The following ARHGAP42 variants were observed in gnomAD, a reference collection of about 807,000 sequenced individuals.
ARHGAP42 encodes the protein Rho GTPase activating protein 42, also known as rho GTPase-activating protein 42.
A neutral mutation model predicts 125.0 loss-of-function variants in ARHGAP42; 63 were observed. The observed-to-expected ratio is 0.50, with a 90% confidence interval of 0.41 to 0.62. ARHGAP42 has a LOEUF of 0.62. Ranked by LOEUF, ARHGAP42 falls within the 20% of genes least tolerant of loss-of-function variation. The pLI, the probability that ARHGAP42 is intolerant of heterozygous loss-of-function variation, is 0.00. For synonymous variants in ARHGAP42, 339 were observed against 351.0 expected (o/e 0.97, Z 0.38); for missense variants, 766 against 1,024.2 (o/e 0.75, Z 3.44).
intron 1 of ARHGAP42, among the ~76,000 whole-genome samples, chr11:100,745,132 A>T (rs1862272511): frequency 6.6e-6 from 1 of 152,168 alleles, no homozygotes; most frequent in South Asian, 2.1e-4. Flanking sequence ...TAATGGGAAT[A>T]AGTCAGGGTG....
At chr11:100,752,965 G>A (rs1387893574) in intron 1 of ARHGAP42, among the ~76,000 whole-genome samples, 1 of 152,236 alleles carries the variant, frequency 6.6e-6, no homozygotes, top group African/African-American at 2.4e-5. Flanking sequence ...ATAGTGATGG[G>A]ATTTGTGCTT....
chr11:100,769,269 G>T (rs1481146924), intron 1 of ARHGAP42, among the ~76,000 whole-genome samples: 1 of 152,140 alleles, frequency 6.6e-6, no homozygotes, highest in Non-Finnish European at 1.5e-5. Context: ...AGGCCCAGAG[G>T]AGTTAAATAA....
intron 8 of ARHGAP42, among the ~76,000 whole-genome samples, chr11:100,937,585 TGTTGCCA>T (rs1259518468): frequency 1.3e-5 from 2 of 152,162 alleles, no homozygotes; most frequent in Non-Finnish European, 2.9e-5. Flanking sequence ...TGGAAGAATT[TGTTGCCA>T]GTGAGGGCAG....
intron 2 of ARHGAP42, among the ~76,000 whole-genome samples, chr11:100,771,081 C>T (rs918475009): frequency 2.0e-5 from 3 of 151,550 alleles, no homozygotes; most frequent in Admixed American, 6.6e-5. Flanking sequence ...TTTCTTAATA[C>T]TGGTTTCTTT....
chr11:100,810,132 G>C (rs928261360), intron 3 of ARHGAP42, among the ~76,000 whole-genome samples: 7 of 151,886 alleles, frequency 4.6e-5, no homozygotes, highest in Non-Finnish European at 1.0e-4. Flanking sequence ...CCTTTAAAAA[G>C]TGGCAAAAAA....
At chr11:100,946,922 A>T (rs1375278545) in intron 10 of ARHGAP42, among the ~76,000 whole-genome samples, 2 of 151,864 alleles carry the variant, frequency 1.3e-5, no homozygotes, top group African/African-American at 4.8e-5. Context: ...GTATCTGCAA[A>T]GCTCAATCAA....
intron 6 of ARHGAP42, among the ~76,000 whole-genome samples, chr11:100,932,697 A>G (rs1867620774): frequency 6.6e-6 from 1 of 152,126 alleles, no homozygotes; most frequent in Admixed American, 6.6e-5. Context: ...CCACCTTGTG[A>G]TACTTTTTCT....
chr11:100,807,876 C>CA (rs1396124841), intron 3 of ARHGAP42, among the ~76,000 whole-genome samples: 1 of 152,202 alleles, frequency 6.6e-6, no homozygotes, highest in Non-Finnish European at 1.5e-5. Context: ...TGTTGGCCAT[C>CA]ACTTTCCATT....
intron 1 of ARHGAP42, among the ~76,000 whole-genome samples, chr11:100,753,811 G>A (rs1453808112): frequency 1.3e-5 from 2 of 152,214 alleles, no homozygotes; most frequent in African/African-American, 2.4e-5. Context: ...CGGTGGTAAT[G>A]TGTATCCTGG....
intron 2 of ARHGAP42, among the ~76,000 whole-genome samples, chr11:100,779,461 A>ATATATATATAT (rs1215941883): frequency 3.7e-5 from 3 of 80,452 alleles, no homozygotes; most frequent in Non-Finnish European, 7.6e-5. Context: ...AAAAAAAAAA[A>ATATATATATAT]AAAAAAATAT....
chr11:100,841,189 C>T (rs149164188), intron 3 of ARHGAP42, among the ~76,000 whole-genome samples: 2 of 152,286 alleles, frequency 1.3e-5, no homozygotes, highest in South Asian at 2.1e-4. Flanking sequence ...TCCTTTCTTT[C>T]ACCCTGGAAA....
At chr11:100,902,604 C>T (rs1222214579) in intron 4 of ARHGAP42, among the ~76,000 whole-genome samples, 2 of 152,112 alleles carry the variant, frequency 1.3e-5, no homozygotes, top group Admixed American at 6.6e-5. Context: ...GCTCTTTGGT[C>T]TTGCTCAGGA....
In ARHGAP42 at chr11:100,709,680, T is replaced by A. The variant is rs538602512; in HGVS notation, c.154+21848T>A. On this transcript the variant is annotated intron_variant, in intron 1 of 23. Transcript: ENST00000298815. ...TTTTCTCGCTTCTGCATATTTTTTA[T>A]TACTAGCATATTTATGGCTTAAAGT... 2.6e-5 allele frequency among the ~76,000 whole-genome samples: 4 copies of A among 152,358 alleles called. No individual in the cohort carries two copies. The South Asian group carries it at 8.3e-4, about 32-fold the overall frequency.
intron 3 of ARHGAP42, among the ~76,000 whole-genome samples, chr11:100,813,747 G>A (rs569941276): frequency 6.6e-6 from 1 of 152,106 alleles, no homozygotes; most frequent in South Asian, 2.1e-4. Context: ...CAATCCACTT[G>A]CTTTCTCTGA....
intron 1 of ARHGAP42, among the ~76,000 whole-genome samples, chr11:100,706,837 G>T (rs1861488493): frequency 1.3e-5 from 2 of 152,134 alleles, no homozygotes; most frequent in East Asian, 3.9e-4. Context: ...AACCATTACT[G>T]CTATCTAATC....
chr11:100,760,879 T>C (rs1469610989), intron 1 of ARHGAP42, among the ~76,000 whole-genome samples: 1 of 152,054 alleles, frequency 6.6e-6, no homozygotes, highest in African/African-American at 2.4e-5. Context: ...TGGATGGATA[T>C]GTTAGGTAAT....
Position 100,976,223 on chromosome 11 carries a change from GA to G in ARHGAP42, c.2026del (p.Ser676AlafsTer42). 6.4e-7 allele frequency: 1 copy of G among 1,551,646 alleles called. No homozygotes were observed. The highest frequency in any genetic ancestry group is 8.7e-7 in the Non-Finnish European group (1 of 1,146,898). ...IATPSSSNGQ[K>X]SLGLWTTSPE... ...CAACCCCATCATCTTCCAATGGACA[GA>G]AAAGCCTTGGTCTGTGGACAACTAG... On this transcript the variant is annotated frameshift_variant, in exon 20 of 24. Coordinates refer to ENST00000298815, the MANE Select transcript of ARHGAP42 (RefSeq NM_152432.4). LOFTEE classifies it high-confidence loss of function.
intron 1 of ARHGAP42, among the ~76,000 whole-genome samples, chr11:100,730,797 ACCTAGGCTATATGATAAAGCCCATTGTT>A (rs1285543167): frequency 1.3e-5 from 2 of 152,356 alleles, no homozygotes; most frequent in African/African-American, 4.8e-5. Context: ...TTTACTGCAC[ACCTAGGCTATATGATAAAGCCCATTGTT>A]CCTAGGCTAC....
chr11:100,903,115 G>GCACACACACACACACA (rs1480178280), intron 4 of ARHGAP42, among the ~76,000 whole-genome samples: 4 of 13,704 alleles, frequency 2.9e-4, no homozygotes, highest in African/African-American at 4.8e-4. Context: ...TGTCCAAGAT[G>GCACACACACACACACA]CGCACACACA....
Sources: gnomAD v4.1 joint callset for allele counts (sites outside exome capture counted in the v4.1 genomes callset) on GRCh38, gnomAD v4.1.1 for gene constraint, MANE v1.5 for transcripts, NCBI Gene and HGNC (gene_info 2026-07-23, HGNC 2026-07-21) for gene names.